Variants in ITSN1 observed in about 807,000 individuals in gnomAD.
The protein encoded by ITSN1 is intersectin 1.
A neutral mutation model predicts 239.8 loss-of-function variants in ITSN1; 58 were observed. That is an observed-to-expected ratio of 0.24 (90% CI 0.20 to 0.30). The LOEUF is 0.30. Ranked by LOEUF, ITSN1 falls within the 10% of genes least tolerant of loss-of-function variation. ITSN1 has a pLI of 1.00. For missense variants in ITSN1, 1,558 were observed against 2,103.3 expected, an observed-to-expected ratio of 0.74 and a Z score of 5.07; for synonymous variants, 780 against 770.8, an observed-to-expected ratio of 1.01 and a Z score of -0.20.
At position 33,894,206 on chromosome 21, in the gene ITSN1, G is replaced by A. The variant is rs925576931; in HGVS notation, c.*5906G>A. On this transcript the variant is annotated 3_prime_UTR_variant, in exon 40 of 40. Coordinates refer to ENST00000381318, the MANE Select transcript of ITSN1 (RefSeq NM_003024.3). Reference sequence around the variant, plus strand: ...TTAAGTCATTAAAATAAGACCCAACGCTTATAAAAGAGTTCATATCCACCT... The same window carrying A: ...TTAAGTCATTAAAATAAGACCCAACACTTATAAAAGAGTTCATATCCACCT... The A allele has an allele frequency of 2.6e-5, 4 of 152,096 alleles. No individual in the cohort carries two copies. Among genetic ancestry groups the A allele is most frequent in the Non-Finnish European group, 1.5e-5 (1 of 68,026 alleles). 9.4% of individuals were successfully genotyped at this position (152,096 alleles called of 1,614,324 possible).
chr21:33,762,687 G>A (rs918088582), intron 9 of ITSN1, among the ~76,000 whole-genome samples: 1 of 151,372 alleles, frequency 6.6e-6, no homozygotes, highest in African/African-American at 2.4e-5. Flanking sequence ...TATTACTTTT[G>A]AGATGGAGTC....
chr21:33,795,009 T>C (rs915555507), intron 17 of ITSN1, among the ~76,000 whole-genome samples: 2 of 152,262 alleles, frequency 1.3e-5, no homozygotes, highest in African/African-American at 4.8e-5. Context: ...TTTTTACTTG[T>C]AACTTACTGT....
intron 16 of ITSN1, among the ~76,000 whole-genome samples, chr21:33,785,666 G>A (rs907702721): frequency 2.0e-5 from 3 of 152,086 alleles, no homozygotes; most frequent in East Asian, 1.9e-4. Flanking sequence ...TATTTGTCTC[G>A]TATAGGAAGC....
chr21:33,767,892 C>G, intron 11 of ITSN1, 64 bp downstream of exon 11: 1 of 918,932 alleles, frequency 1.1e-6, no homozygotes, highest in Non-Finnish European at 1.7e-6. Flanking sequence ...TTTCCTATCT[C>G]TAAGACAAAG....
At chr21:33,702,858 A>C (rs1377009910) in intron 1 of ITSN1, among the ~76,000 whole-genome samples, 1 of 152,148 alleles carries the variant, frequency 6.6e-6, no homozygotes, top group African/African-American at 2.4e-5. Flanking sequence ...CGGGCAGATC[A>C]CCTGAGGTCA....
At chr21:33,728,260 C>T (rs1004746667) in intron 4 of ITSN1, among the ~76,000 whole-genome samples, 2 of 151,908 alleles carry the variant, frequency 1.3e-5, no homozygotes, top group African/African-American at 4.8e-5. Flanking sequence ...CCACCGCACC[C>T]GGCCAGGAAT....
chr21:33,780,732 TA>T (rs1307231494), intron 14 of ITSN1, among the ~76,000 whole-genome samples: 2 of 152,250 alleles, frequency 1.3e-5, no homozygotes, highest in African/African-American at 4.8e-5. Flanking sequence ...TTCTTTATTA[TA>T]ACCTAGGAAG....
chr21:33,745,247 C>T (rs940902091), intron 5 of ITSN1, among the ~76,000 whole-genome samples: 1 of 152,110 alleles, frequency 6.6e-6, no homozygotes, highest in Non-Finnish European at 1.5e-5. Flanking sequence ...AATGTTGAAC[C>T]GCACCATGAG....
At position 33,899,480 on chromosome 21, in the gene ITSN1, T is replaced by C. The variant is rs137874369; in HGVS notation, c.*11180T>C. On this transcript the variant is annotated 3_prime_UTR_variant, in exon 40 of 40. Coordinates refer to ENST00000381318, the MANE Select transcript of ITSN1 (RefSeq NM_003024.3). ...AGAGACTATATTGTCTGATATGTAATGTTAATGGAATTCTAAGAATTACTA... is the reference window on the plus strand; with the variant it reads ...AGAGACTATATTGTCTGATATGTAACGTTAATGGAATTCTAAGAATTACTA... The C allele has an allele frequency of 3.3e-5, 5 of 152,344 alleles. No individual in the cohort carries two copies. The East Asian group carries it at 7.7e-4, about 24-fold the overall frequency. 9.4% of individuals were successfully genotyped at this position (152,344 alleles called of 1,614,324 possible).
chr21:33,838,112 A>G, intron 29 of ITSN1: 1 of 985,658 alleles, frequency 1.0e-6, no homozygotes, highest in Non-Finnish European at 1.2e-6. Context: ...TTTGTGTGTT[A>G]GATATGCTGT....
intron 16 of ITSN1, among the ~76,000 whole-genome samples, chr21:33,787,292 A>G (rs2070752192): frequency 1.3e-5 from 2 of 152,236 alleles, no homozygotes; most frequent in Non-Finnish European, 2.9e-5. Context: ...TGGGAGACAT[A>G]CTGTGATCAG....
chr21:33,886,567 C>A, intron 39 of ITSN1, 107 bp downstream of exon 39: 1 of 1,023,880 alleles, frequency 9.8e-7, no homozygotes, highest in Non-Finnish European at 1.4e-6. Context: ...TTCGGTTTCC[C>A]TCCTGAGAGA....
At chr21:33,756,331 C>A in intron 8 of ITSN1, among the ~76,000 whole-genome samples, 1 of 143,360 alleles carries the variant, frequency 7.0e-6, no homozygotes, top group Admixed American at 6.9e-5. Flanking sequence ...AAAAGCATAA[C>A]TTTAATGAAA....
chr21:33,806,860 T>C (rs1415201977), intron 20 of ITSN1, among the ~76,000 whole-genome samples: 16 of 152,190 alleles, frequency 1.1e-4, no homozygotes, highest in Admixed American at 1.0e-3. Flanking sequence ...ACAAAGCAGT[T>C]TGTGTTCCTA....
At chr21:33,831,257 A>G (rs2834270) in intron 27 of ITSN1, among the ~76,000 whole-genome samples, 100,732 of 152,066 alleles carry the variant, frequency 0.66, 33,853 homozygotes, top group East Asian at 0.98. Flanking sequence ...CATGGGGCCT[A>G]TGGAAGGACT....
At chr21:33,879,809 A>G (rs529275085) in intron 34 of ITSN1, among the ~76,000 whole-genome samples, 2 of 152,270 alleles carry the variant, frequency 1.3e-5, no homozygotes, top group Admixed American at 6.5e-5. Context: ...CTTCCCGAGT[A>G]GCTGGAACTA....
chr21:33,722,674 AT>A, intron 4 of ITSN1, 23 bp downstream of exon 4: 1 of 1,550,418 alleles, frequency 6.4e-7, no homozygotes, highest in Non-Finnish European at 8.6e-7. Context: ...TTTACATGAA[AT>A]TTTACATAAG....
chr21:33,713,387 C>G (rs547765300), intron 1 of ITSN1, among the ~76,000 whole-genome samples: 30 of 151,782 alleles, frequency 2.0e-4, no homozygotes, highest in African/African-American at 7.0e-4. Flanking sequence ...CTACAGGCGC[C>G]CGCCACCACG....
intron 6 of ITSN1, among the ~76,000 whole-genome samples, chr21:33,751,508 C>T (rs1196723389): frequency 6.6e-6 from 1 of 152,150 alleles, no homozygotes; most frequent in Non-Finnish European, 1.5e-5. Flanking sequence ...TAAGCTGTTA[C>T]CTCTTTAACT....
Sources: gnomAD v4.1 joint callset for allele counts (sites outside exome capture counted in the v4.1 genomes callset) on GRCh38, gnomAD v4.1.1 for gene constraint, MANE v1.5 for transcripts, NCBI Gene and HGNC (gene_info 2026-07-23, HGNC 2026-07-21) for gene names.